The following MTCH2 variants were observed in gnomAD, a reference collection of about 807,000 sequenced individuals.
MTCH2 encodes the protein mitochondrial carrier 2.
In MTCH2, 25 loss-of-function variants were observed where a neutral mutation model predicts 50.6. The observed-to-expected ratio is 0.49, with a 90% CI of 0.36 to 0.69. The LOEUF (loss-of-function observed/expected upper bound fraction) is 0.69, where lower values mean the gene tolerates loss of function less well. MTCH2 is among the 30% of genes least tolerant of loss of function. MTCH2 has a pLI of 0.00. For missense variants in MTCH2, 273 were observed against 384.4 expected (o/e 0.71, Z 2.42); for synonymous variants, 106 against 132.0 (o/e 0.80, Z 1.35).
chr11:47,621,434 GT>G (rs1173522346), intron 12 of MTCH2, among the ~76,000 whole-genome samples: 1 of 59,748 alleles, frequency 1.7e-5, no homozygotes, highest in South Asian at 9.6e-4. Flanking sequence ...TGTTGTTATT[GT>G]CTTTTTTTTT....
chr11:47,610,612 T>A, the MTCH2 span, among the ~76,000 whole-genome samples: 1 of 151,984 alleles, frequency 6.6e-6, no homozygotes, highest in Non-Finnish European at 1.5e-5. Flanking sequence ...GGCTGAGGCA[T>A]GAGAATCACT....
the MTCH2 span, among the ~76,000 whole-genome samples, chr11:47,612,306 G>A: frequency 2.0e-5 from 3 of 151,776 alleles, no homozygotes; most frequent in African/African-American, 7.3e-5. Context: ...GGTGGCTCAC[G>A]CCTGTAATCC....
Position 47,642,396 on chromosome 11 carries a change from C to G in MTCH2, c.70G>C (p.Val24Leu). The change falls in exon 1 of 13, where the codon GTG becomes CTG. Residue 24 changes from valine (V) to leucine (L), a missense_variant. Val to Leu is a conservative substitution (Grantham distance 32, BLOSUM62 1). This residue lies in a region of MTCH2 where 203 missense variants were observed against 244.3 expected (regional missense o/e 0.83). Transcript: ENST00000302503. ...LTILSQPLMYVKVLIQVGYEP... is the reference protein window; with the variant it reads ...LTILSQPLMYLKVLIQVGYEP... Reference sequence around the variant, plus strand: ...CCTCATACCTGGATGAGCACTTTCACGTACATGAGCGGCTGGGACAGGATG... The same window carrying G: ...CCTCATACCTGGATGAGCACTTTCAGGTACATGAGCGGCTGGGACAGGATG... The G allele has an allele frequency of 7.5e-7, 1 of 1,328,766 alleles. No homozygotes were observed. Among genetic ancestry groups the G allele is most frequent in the South Asian group, 1.4e-5 (1 of 69,154 alleles). 82.3% of individuals were successfully genotyped at this position (1,328,766 alleles called of 1,614,324 possible). A position where few individuals can be genotyped will look rare whatever the true frequency, so the allele number is the denominator to read the frequency against.
At chr11:47,640,203 C>A (rs535697352) in intron 1 of MTCH2, among the ~76,000 whole-genome samples, 28 of 151,978 alleles carry the variant, frequency 1.8e-4, no homozygotes, top group African/African-American at 6.8e-4. Flanking sequence ...GTGGCGGACA[C>A]CTGTAATCCC....
the MTCH2 span, among the ~76,000 whole-genome samples, chr11:47,607,765 C>T: frequency 2.0e-5 from 3 of 152,164 alleles, no homozygotes; most frequent in Non-Finnish European, 2.9e-5. Context: ...GTGGGAAGAC[C>T]GAATCCCGAT....
intron 12 of MTCH2, among the ~76,000 whole-genome samples, 178 bp downstream of exon 12, chr11:47,622,523 T>C (rs182114070): frequency 7.2e-5 from 11 of 152,332 alleles, no homozygotes; most frequent in African/African-American, 2.6e-4. Context: ...CACATTTTAC[T>C]ATTATGCCAA....
chr11:47,622,659 A>G, intron 12 of MTCH2, 42 bp downstream of exon 12: 1 of 1,432,856 alleles, frequency 7.0e-7, no homozygotes, highest in Non-Finnish European at 9.5e-7. Flanking sequence ...ATAAATAAAA[A>G]TAAAACAAAA....
chr11:47,640,682 T>C (rs924805049), intron 1 of MTCH2, among the ~76,000 whole-genome samples: 1 of 152,238 alleles, frequency 6.6e-6, no homozygotes, highest in East Asian at 1.9e-4. Flanking sequence ...TCCCAAAGTG[T>C]TGGGATTTAC....
At chr11:47,638,892 T>G in intron 2 of MTCH2, 75 bp downstream of exon 2, 2 of 1,576,360 alleles carry the variant, frequency 1.3e-6, no homozygotes, top group Non-Finnish European at 1.7e-6. Context: ...TTTCTATATA[T>G]TTTCTTTCAA....
In MTCH2 at chr11:47,622,059, T is replaced by A. The variant is rs115973921; in HGVS notation, c.825+642A>T. 6.7e-3 allele frequency among the ~76,000 whole-genome samples: 1,019 copies of A among 152,188 alleles called. 7 individuals are homozygous for A. The highest frequency in any genetic ancestry group is 0.023 in the African/African-American group (966 of 41,526). On this transcript the variant is annotated intron_variant, in intron 12 of 12. Transcript: ENST00000302503. ...TTGTATTTTCTGTAGCAATGAGGTC[T>A]CATCATGTTGCCTCAACTGGTCTCA... is the stretch of plus-strand genomic sequence containing the variant.
intron 5 of MTCH2, among the ~76,000 whole-genome samples, chr11:47,632,621 C>A (rs7119348): frequency 6.6e-6 from 1 of 152,126 alleles, no homozygotes; most frequent in Non-Finnish European, 1.5e-5. Flanking sequence ...GCCTCCCAAA[C>A]TGCTGGGATT....
At position 47,618,623 on chromosome 11, in the gene MTCH2, C is replaced by G; in HGVS notation, c.*210G>C. The stretch of plus-strand genomic sequence containing the variant: ...AAATAAGAATTTGGAGCAAAAATAT[C>G]CTAATTCAGAATAACTAAAGGGGGA... On this transcript the variant is annotated 3_prime_UTR_variant, in exon 13 of 13. Coordinates refer to ENST00000302503, the MANE Select transcript of MTCH2 (RefSeq NM_014342.4). 1.8e-6 allele frequency: 1 copy of G among 552,882 alleles called. No homozygotes were observed. 34.2% of individuals were successfully genotyped at this position (552,882 alleles called of 1,614,324 possible).
the MTCH2 span, among the ~76,000 whole-genome samples, chr11:47,609,545 T>C: frequency 1.4e-5 from 2 of 145,884 alleles, no homozygotes; most frequent in African/African-American, 5.1e-5. Flanking sequence ...GAGAATCACT[T>C]GAACCCGGGA....
intron 12 of MTCH2, among the ~76,000 whole-genome samples, chr11:47,619,616 A>G (rs2153798160): frequency 6.6e-6 from 1 of 152,294 alleles, no homozygotes; most frequent in East Asian, 1.9e-4. Context: ...CAACCTGGAC[A>G]ACATAGTAAG....
chr11:47,639,573 C>T (rs1001784377), intron 1 of MTCH2, among the ~76,000 whole-genome samples: 5 of 152,206 alleles, frequency 3.3e-5, no homozygotes, highest in African/African-American at 4.8e-5. Context: ...CGCAGTGGCT[C>T]ATGCCTTGTA....
intron 1 of MTCH2, among the ~76,000 whole-genome samples, chr11:47,642,109 G>A (rs1304922887): frequency 6.6e-6 from 1 of 152,184 alleles, no homozygotes; most frequent in Non-Finnish European, 1.5e-5. Flanking sequence ...AAAGTTCAGA[G>A]GATCCGCCGG....
At chr11:47,622,432 A>C (rs1187474919) in intron 12 of MTCH2, among the ~76,000 whole-genome samples, 2 of 152,182 alleles carry the variant, frequency 1.3e-5, no homozygotes, top group African/African-American at 4.8e-5. Context: ...TTGTAAGTTG[A>C]ATGTGGGCAC....
chr11:47,620,713 C>T (rs1031944456), intron 12 of MTCH2, among the ~76,000 whole-genome samples: 4 of 152,150 alleles, frequency 2.6e-5, no homozygotes, highest in African/African-American at 9.7e-5. Context: ...CAACTGAGTA[C>T]ACTCTGGAGT....
At chr11:47,642,339 C>T (rs749025704) in intron 1 of MTCH2, 40 bp downstream of exon 1, 2 of 1,432,926 alleles carry the variant, frequency 1.4e-6, no homozygotes, top group Non-Finnish European at 1.8e-6. Context: ...AGCGACCGAA[C>T]GGGGCGCCGG....
Sources: allele counts gnomAD v4.1 joint callset (sites outside exome capture counted in the v4.1 genomes callset), GRCh38; gene constraint gnomAD v4.1.1; regional missense constraint gnomAD v4.1.1; transcripts MANE v1.5; gene names NCBI Gene and HGNC (gene_info 2026-07-23, HGNC 2026-07-21).